HSPBAP1: variants seen among roughly 807,000 people sequenced by gnomAD.
The protein encoded by HSPBAP1 is HSPB1-associated protein 1.
In HSPBAP1, 27 loss-of-function variants were observed where a neutral mutation model predicts 45.2. That is an observed-to-expected ratio of 0.60 (90% CI 0.44 to 0.82). The LOEUF (loss-of-function observed/expected upper bound fraction) is 0.82, where lower values mean the gene tolerates loss of function less well. Ranked by LOEUF, HSPBAP1 falls within the 40% of genes least tolerant of loss-of-function variation. The pLI, the probability that HSPBAP1 is intolerant of heterozygous loss-of-function variation, is 0.00. For synonymous variants in HSPBAP1, 204 were observed against 202.7 expected, an observed-to-expected ratio of 1.01 and a Z score of -0.06; for missense variants, 510 against 590.9, an observed-to-expected ratio of 0.86 and a Z score of 1.42.
intron 5 of HSPBAP1, chr3:122,753,356 G>A (rs1224540822): frequency 3.7e-5 from 30 of 813,436 alleles, no homozygotes; most frequent in Non-Finnish European, 4.3e-5. Flanking sequence ...TGGGAGATAA[G>A]GTAGGGGAAT....
chr3:122,763,190 T>A (rs1446042216), intron 3 of HSPBAP1, among the ~76,000 whole-genome samples: 1 of 152,240 alleles, frequency 6.6e-6, no homozygotes. Context: ...AAAGGAGTAC[T>A]TACTATATGA....
rs759561722 is a variant in HSPBAP1, at chr3:122,759,220, T to C, written c.569+4A>G. 13 of 1,241,248 alleles carry C rather than the reference T, an allele frequency of 1.0e-5. No individual in the cohort carries two copies. The highest frequency in any genetic ancestry group is 2.2e-5 in the Admixed American group (1 of 45,186). The allele number at this position is 1,241,248 out of a possible 1,614,324, so 76.9% of individuals were successfully genotyped here. Reference sequence around the variant, plus strand: ...ACACACACACACACACACACACACATTACCTTCCTTGTACCTGGAATACCA... The same window carrying C: ...ACACACACACACACACACACACACACTACCTTCCTTGTACCTGGAATACCA... On this transcript the variant is annotated splice_donor_region_variant and intron_variant, in intron 4 of 7. Coordinates refer to ENST00000306103, the MANE Select transcript of HSPBAP1 (RefSeq NM_024610.6).
chr3:122,749,944 C>G (rs1228245318), intron 6 of HSPBAP1, among the ~76,000 whole-genome samples: 1 of 151,188 alleles, frequency 6.6e-6, no homozygotes, highest in Admixed American at 6.6e-5. Context: ...TTGCTGGATA[C>G]AGCAAACAAG....
At chr3:122,764,610 T>C (rs1244114373) in intron 3 of HSPBAP1, among the ~76,000 whole-genome samples, 3 of 152,200 alleles carry the variant, frequency 2.0e-5, no homozygotes, top group African/African-American at 7.2e-5. Flanking sequence ...CTTTTGTGTA[T>C]AGCAAATAAA....
At chr3:122,742,598 G>C (rs1933706949) in intron 6 of HSPBAP1, among the ~76,000 whole-genome samples, 1 of 152,186 alleles carries the variant, frequency 6.6e-6, no homozygotes, top group Non-Finnish European at 1.5e-5. Flanking sequence ...ACAATAATCT[G>C]GATGTTGCTG....
intron 1 of HSPBAP1, among the ~76,000 whole-genome samples, chr3:122,780,431 C>A (rs1935397104): frequency 8.1e-6 from 1 of 122,786 alleles, no homozygotes. Context: ...GGCAGAGGGG[C>A]TCCTCACTTC....
rs56143835 is a variant in HSPBAP1, at chr3:122,750,553, A to ATCT, written c.825+2037_825+2038insAGA. ...TATCTATCTATCTATCTATCTATCT[A>ATCT]ATCTATCTATCTATCTCACATTCTA... On this transcript the variant is annotated intron_variant, in intron 6 of 7. Transcript: ENST00000306103. 4.0e-3 allele frequency among the ~76,000 whole-genome samples: 348 copies of ATCT among 86,508 alleles called. 2 individuals are homozygous for ATCT. Among genetic ancestry groups the ATCT allele is most frequent in the Middle Eastern group, 0.011 (2 of 190 alleles). 56.8% of individuals were successfully genotyped at this position (86,508 alleles called of 152,430 possible). A position where few individuals can be genotyped will look rare whatever the true frequency, so the allele number is the denominator to read the frequency against.
chr3:122,778,950 T>A (rs1935297402), intron 1 of HSPBAP1, among the ~76,000 whole-genome samples: 1 of 152,240 alleles, frequency 6.6e-6, no homozygotes, highest in African/African-American at 2.4e-5. Flanking sequence ...CTTCGACCTA[T>A]AAAATTGTCT....
intron 6 of HSPBAP1, among the ~76,000 whole-genome samples, chr3:122,745,177 C>G (rs1314927080): frequency 6.6e-6 from 1 of 151,964 alleles, no homozygotes; most frequent in African/African-American, 2.4e-5. Flanking sequence ...ATCTCCACCC[C>G]CACCCCACAA....
chr3:122,746,918 G>A (rs796167262), intron 6 of HSPBAP1, among the ~76,000 whole-genome samples: 52 of 152,076 alleles, frequency 3.4e-4, no homozygotes, highest in African/African-American at 1.2e-3. Context: ...GCCTCCCGAG[G>A]TGCTGGGATT....
At position 122,792,005 on chromosome 3, in the gene HSPBAP1, C is replaced by T. The variant is rs138255272; in HGVS notation, c.64+1612G>A. Among the ~76,000 whole-genome samples the T allele has an allele frequency of 3.0e-4, 45 of 152,212 alleles. No individual in the cohort carries two copies. In the East Asian group the frequency reaches 5.8e-3, roughly 20 times the overall value. Reference sequence around the variant, plus strand: ...GAGAAAATGTGGATGATTTGAAGTACGGTCTGATAGTGAAAGGAAAAAAGT... The same window carrying T: ...GAGAAAATGTGGATGATTTGAAGTATGGTCTGATAGTGAAAGGAAAAAAGT... On this transcript the variant is annotated intron_variant, in intron 1 of 7. Coordinates refer to ENST00000306103, the MANE Select transcript of HSPBAP1 (RefSeq NM_024610.6).
rs1934317691 is a variant in HSPBAP1, at chr3:122,755,449, A to AG, written c.570-19_570-18insC. The AG allele has an allele frequency of 1.4e-6, 2 of 1,454,816 alleles. No homozygotes were observed. The highest frequency in any genetic ancestry group is 5.0e-5 in the East Asian group (2 of 40,058). 90.1% of individuals were successfully genotyped at this position (1,454,816 alleles called of 1,614,324 possible). A position where few individuals can be genotyped will look rare whatever the true frequency, so the allele number is the denominator to read the frequency against. On this transcript the variant is annotated intron_variant, in intron 4 of 7. Coordinates refer to ENST00000306103, the MANE Select transcript of HSPBAP1 (RefSeq NM_024610.6). ...ATCGTTTCCTAATTAAAAAAAAAAA[A>AG]AAAAGATACAAGTTAGTACTCTGAC... is the stretch of plus-strand genomic sequence containing the variant.
At chr3:122,758,181 C>T (rs997762064) in intron 4 of HSPBAP1, among the ~76,000 whole-genome samples, 1 of 152,194 alleles carries the variant, frequency 6.6e-6, no homozygotes, top group Non-Finnish European at 1.5e-5. Context: ...CTGTGCTGCC[C>T]TGTAAATGTC....
In HSPBAP1 at chr3:122,741,105, A is replaced by G; in HGVS notation, c.834T>C (p.Asp278=). Residue 278 remains aspartate, a synonymous_variant, in exon 7 of 8, where the codon GAT becomes GAC. Transcript: ENST00000306103. ...TTGCCTCTTCTACCCGGGCTAGGTGATCCTCTTCCTGAATTAAAAAAACAC... is the reference window on the plus strand; with the variant it reads ...TTGCCTCTTCTACCCGGGCTAGGTGGTCCTCTTCCTGAATTAAAAAAACAC... ...SINSWIELEE[D]HLARVEEAIT... 2 of 1,612,840 alleles carry G rather than the reference A, an allele frequency of 1.2e-6. No individual in the cohort carries two copies. Among genetic ancestry groups the G allele is most frequent in the Non-Finnish European group, 1.7e-6 (2 of 1,178,844 alleles).
chr3:122,766,809 AC>A (rs1934796953), intron 3 of HSPBAP1, among the ~76,000 whole-genome samples: 1 of 152,222 alleles, frequency 6.6e-6, no homozygotes, highest in Non-Finnish European at 1.5e-5. Flanking sequence ...GGTTTACTTA[AC>A]CTCTTTGGGT....
intron 2 of HSPBAP1, among the ~76,000 whole-genome samples, chr3:122,774,143 G>A (rs1935107600): frequency 6.6e-6 from 1 of 152,222 alleles, no homozygotes; most frequent in African/African-American, 2.4e-5. Context: ...TGCCCTCACA[G>A]AAGTGACCTT....
At position 122,752,649 on chromosome 3, in the gene HSPBAP1, C is replaced by T. The variant is rs1360105500; in HGVS notation, c.767G>A (p.Trp256Ter). The stretch of plus-strand genomic sequence containing the variant: ...AGGATCAATGGATTCTACGTAATGC[C>T]ACCAGTGTCTGGGAACAAAGAGAAC... ...GQVLFVPRHW[W>*]HYVESIDPVT... The change falls in exon 6 of 8, where the codon TGG becomes TAG. Residue 256 changes from tryptophan to a stop codon, truncating the protein, a stop_gained. Transcript: ENST00000306103. LOFTEE classifies it high-confidence loss of function. 6.2e-7 allele frequency: 1 copy of T among 1,608,760 alleles called. No individual in the cohort carries two copies. Among genetic ancestry groups the T allele is most frequent in the Non-Finnish European group, 8.5e-7 (1 of 1,178,014 alleles).
At chr3:122,761,936 C>T (rs1934607151) in intron 3 of HSPBAP1, 1 of 152,116 alleles carries the variant, frequency 6.6e-6, no homozygotes, top group Non-Finnish European at 1.5e-5. Flanking sequence ...TGTCTTGAGT[C>T]TTGCTAGAAA....
intron 6 of HSPBAP1, among the ~76,000 whole-genome samples, chr3:122,748,077 T>C (rs1298626425): frequency 3.3e-5 from 5 of 151,634 alleles, no homozygotes; most frequent in African/African-American, 7.3e-5. Context: ...GATCTGTGAC[T>C]TTACCCCCAA....
Sources: gnomAD v4.1 joint callset for allele counts (sites outside exome capture counted in the v4.1 genomes callset) on GRCh38, gnomAD v4.1.1 for gene constraint, MANE v1.5 for transcripts, NCBI Gene and HGNC (gene_info 2026-07-23, HGNC 2026-07-21) for gene names.